SBSPON: variants seen among roughly 807,000 people sequenced by gnomAD.
SBSPON encodes the protein somatomedin-B and thrombospondin type-1 domain-containing protein.
A neutral mutation model predicts 35.8 loss-of-function variants in SBSPON; 30 were observed. The ratio of observed to expected loss-of-function variants is 0.84; its 90% CI spans 0.63 to 1.14. The LOEUF is 1.14. Among genes scored for constraint, SBSPON ranks in the 50% most tolerant of loss-of-function variants. The probability of loss-of-function intolerance (pLI) is 0.00; values close to 1 mark genes in which losing one functional copy is unlikely to be tolerated. For synonymous variants in SBSPON, 136 were observed against 135.9 expected, an observed-to-expected ratio of 1.00 and a Z score of 0.00; for missense variants, 364 against 357.7, an observed-to-expected ratio of 1.02 and a Z score of -0.14.
At chr8:73,070,516 T>C (rs541019453) in intron 3 of SBSPON, among the ~76,000 whole-genome samples, 32 of 152,276 alleles carry the variant, frequency 2.1e-4, no homozygotes, top group African/African-American at 6.7e-4. Flanking sequence ...TCTGGAGTAA[T>C]GATGATGAGT....
chr8:73,091,736 T>G lies in SBSPON; in HGVS notation c.214+1118A>C, dbSNP rs143842682. Among the ~76,000 whole-genome samples, 141 of 152,342 alleles carry G rather than the reference T, an allele frequency of 9.3e-4. 1 individual carries two copies. Among genetic ancestry groups the G allele is most frequent in the Non-Finnish European group, 1.3e-3 (89 of 68,036 alleles). Reference sequence around the variant, plus strand: ...CAAAAATAATATCAATATTCACAGGTAAATCATTAGCTTTCAACCAGGGTC... The same window carrying G: ...CAAAAATAATATCAATATTCACAGGGAAATCATTAGCTTTCAACCAGGGTC... On this transcript the variant is annotated intron_variant, in intron 1 of 4. Transcript: ENST00000297354.
Position 73,069,845 on chromosome 8 carries a change from C to CA in SBSPON, c.636dup (p.Val213CysfsTer25). Reference sequence around the variant, plus strand: ...CCATCTCCAGAACAACGAAGGCTCACAGAGTTCATAGCTGGAGGCTGACAA... The same window carrying CA: ...CCATCTCCAGAACAACGAAGGCTCACAAGAGTTCATAGCTGGAGGCTGACAA... On this transcript the variant is annotated frameshift_variant, in exon 4 of 5. Transcript: ENST00000297354. LOFTEE classifies it high-confidence loss of function. 6.2e-7 allele frequency: 1 copy of CA among 1,614,176 alleles called. No individual in the cohort carries two copies.
intron 1 of SBSPON, chr8:73,085,661 A>G (rs1324004458): frequency 1.3e-5 from 2 of 152,114 alleles, no homozygotes; most frequent in Non-Finnish European, 2.9e-5. Flanking sequence ...AAGACACCCT[A>G]TTCTCAGCCT....
At chr8:73,084,296 G>A (rs1266556188) in intron 1 of SBSPON, among the ~76,000 whole-genome samples, 2 of 152,192 alleles carry the variant, frequency 1.3e-5, no homozygotes, top group Non-Finnish European at 2.9e-5. Flanking sequence ...TCACACACAA[G>A]AGTGCAGCAC....
chr8:73,069,900 A>T lies in SBSPON; in HGVS notation c.582T>A (p.Tyr194Ter), dbSNP rs369966091. 6.2e-7 allele frequency: 1 copy of T among 1,613,250 alleles called. No individual in the cohort carries two copies. The change falls in exon 4 of 5, where the codon TAT becomes TAA. Residue 194 changes from tyrosine (Y) to a stop codon, truncating the protein, a stop_gained. Transcript: ENST00000297354. LOFTEE classifies it high-confidence loss of function. ...CACACACCGTGTATCCCTCTCGGAG[A>T]TACTGCATCCATCTAGTCAAGGGCC... ...ENWPLTRWMQ[Y>*]LREGYTVCVD...
intron 1 of SBSPON, among the ~76,000 whole-genome samples, chr8:73,088,034 G>A (rs1810867324): frequency 6.6e-6 from 1 of 152,154 alleles, no homozygotes; most frequent in Non-Finnish European, 1.5e-5. Flanking sequence ...TAGAGGAGGT[G>A]GGAAGGGAGC....
chr8:73,086,276 T>TC (rs1467380230), intron 1 of SBSPON, among the ~76,000 whole-genome samples: 5 of 152,116 alleles, frequency 3.3e-5, no homozygotes, highest in Non-Finnish European at 5.9e-5. Context: ...TTCTCATGCT[T>TC]CAGCCTCCCG....
chr8:73,071,621 A>G (rs1810493199), intron 3 of SBSPON, among the ~76,000 whole-genome samples, 159 bp downstream of exon 3: 1 of 152,186 alleles, frequency 6.6e-6, no homozygotes, highest in African/African-American at 2.4e-5. Context: ...CCAGGAGGGG[A>G]CAAGTATTTT....
rs1313052253 is a variant in SBSPON at position 73,081,137 on chromosome 8, C to A, written c.291G>T (p.Arg97=). Residue 97 remains arginine (R), a synonymous_variant, in exon 2 of 5, where the codon CGG becomes CGT. Coordinates refer to ENST00000297354, the MANE Select transcript of SBSPON (RefSeq NM_153225.4). ...ADQCKPTTRV[R]RRSVQQEPQN... Reference sequence around the variant, plus strand: ...GAGGCTCCTGCTGCACCGAGCGCCTCCGCACACGGGTTGTAGGCTTGCACT... The same window carrying A: ...GAGGCTCCTGCTGCACCGAGCGCCTACGCACACGGGTTGTAGGCTTGCACT... The A allele has an allele frequency of 6.2e-7, 1 of 1,613,360 alleles. No individual in the cohort carries two copies. Among genetic ancestry groups the A allele is most frequent in the Non-Finnish European group, 8.5e-7 (1 of 1,179,690 alleles).
Position 73,074,095 on chromosome 8 carries a change from CAT to C in SBSPON, c.410-2227_410-2226del, listed in dbSNP as rs1444181165. On this transcript the variant is annotated intron_variant, in intron 2 of 4. Transcript: ENST00000297354. The stretch of plus-strand genomic sequence containing the variant: ...TTTTCATTTCTGTTCTTCAGACACA[CAT>C]ATGTGTTTCTTCACTAAGTGAAGAA... Among the ~76,000 whole-genome samples, 5 of 152,300 alleles carry C rather than the reference CAT, an allele frequency of 3.3e-5. No individual in the cohort carries two copies. The South Asian group carries it at 8.3e-4, about 25-fold the overall frequency.
At chr8:73,073,936 C>T (rs570998122) in intron 2 of SBSPON, among the ~76,000 whole-genome samples, 41 of 152,164 alleles carry the variant, frequency 2.7e-4, no homozygotes, top group African/African-American at 9.2e-4. Context: ...GTGACTGTAG[C>T]GTTTGCATTT....
At chr8:73,092,733 G>A in intron 1 of SBSPON, 121 bp downstream of exon 1, 1 of 700,616 alleles carries the variant, frequency 1.4e-6, no homozygotes, top group South Asian at 1.7e-5. Context: ...GGGGATGGGT[G>A]GGGATAAAGG....
chr8:73,087,829 C>T (rs1810862234), intron 1 of SBSPON, among the ~76,000 whole-genome samples: 1 of 152,226 alleles, frequency 6.6e-6, no homozygotes, highest in African/African-American at 2.4e-5. Context: ...TCTAATGCAA[C>T]TACTGTTCTA....
intron 2 of SBSPON, chr8:73,074,504 G>C: frequency 1.4e-6 from 1 of 701,736 alleles, no homozygotes; most frequent in Non-Finnish European, 1.8e-6. Context: ...GTTAAGAAAT[G>C]TGTTTAAGGC....
At chr8:73,080,477 T>C (rs1210859086) in intron 2 of SBSPON, among the ~76,000 whole-genome samples, 3 of 152,214 alleles carry the variant, frequency 2.0e-5, no homozygotes, top group South Asian at 4.1e-4. Context: ...ATCATGCCAC[T>C]GCCCTCCAGC....
intron 1 of SBSPON, among the ~76,000 whole-genome samples, chr8:73,089,221 G>C (rs181581681): frequency 6.6e-6 from 1 of 152,306 alleles, no homozygotes; most frequent in African/African-American, 2.4e-5. Flanking sequence ...GATTGGGATT[G>C]TCATATGGGT....
intron 1 of SBSPON, among the ~76,000 whole-genome samples, chr8:73,089,234 G>T (rs1009875608): frequency 6.6e-6 from 1 of 152,188 alleles, no homozygotes; most frequent in Non-Finnish European, 1.5e-5. Flanking sequence ...ATATGGGTTT[G>T]TGGACCTGAC....
rs374970239 is a variant in SBSPON, at chr8:73,081,129, G to C, written c.299C>G (p.Ser100Trp). 1 of 1,613,204 alleles carries C rather than the reference G, an allele frequency of 6.2e-7. No homozygotes were observed. The highest frequency in any genetic ancestry group is 8.5e-7 in the Non-Finnish European group (1 of 1,179,606). ...GCCGTTCTGAGGCTCCTGCTGCACCGAGCGCCTCCGCACACGGGTTGTAGG... is the reference window on the plus strand; with the variant it reads ...GCCGTTCTGAGGCTCCTGCTGCACCCAGCGCCTCCGCACACGGGTTGTAGG... Reference protein sequence around the residue: ...CKPTTRVRRRSVQQEPQNGGA... With the variant: ...CKPTTRVRRRWVQQEPQNGGA... Residue 100 changes from serine to tryptophan, a missense_variant, in exon 2 of 5, where the codon TCG becomes TGG. Ser to Trp is a radical substitution (Grantham distance 177). Transcript: ENST00000297354.
intron 4 of SBSPON, among the ~76,000 whole-genome samples, chr8:73,069,271 T>A (rs1030276890): frequency 6.6e-6 from 1 of 152,210 alleles, no homozygotes; most frequent in Non-Finnish European, 1.5e-5. Context: ...GAATGTGATC[T>A]AAACTCCAAT....
Sources: gnomAD v4.1 joint callset for allele counts (sites outside exome capture counted in the v4.1 genomes callset) on GRCh38, gnomAD v4.1.1 for gene constraint, MANE v1.5 for transcripts, NCBI Gene and HGNC (gene_info 2026-07-23, HGNC 2026-07-21) for gene names.